The following L2HGDH variants were observed in gnomAD, a reference collection of about 807,000 sequenced individuals.
L2HGDH encodes L-2-hydroxyglutarate dehydrogenase, also known as L-2-hydroxyglutarate dehydrogenase, mitochondrial.
A neutral mutation model predicts 51.5 loss-of-function variants in L2HGDH; 34 were observed. The ratio of observed to expected loss-of-function variants is 0.66; its 90% confidence interval spans 0.50 to 0.88. The LOEUF (loss-of-function observed/expected upper bound fraction) is 0.88, where lower values mean the gene tolerates loss of function less well. L2HGDH is among the 40% of genes least tolerant of loss of function. The probability of loss-of-function intolerance (pLI) is 0.00; values close to 1 mark genes in which losing one functional copy is unlikely to be tolerated. For missense variants in L2HGDH, 558 were observed against 571.9 expected (o/e 0.98, Z 0.25); for synonymous variants, 198 against 197.9 (o/e 1.00, Z -0.01).
At chr14:50,305,229 G>A (rs2030658643) in intron 1 of L2HGDH, among the ~76,000 whole-genome samples, 1 of 152,172 alleles carries the variant, frequency 6.6e-6, no homozygotes, top group Admixed American at 6.5e-5. Context: ...TCCAGGTGAT[G>A]CTCAGCAGGT....
intron 9 of L2HGDH, among the ~76,000 whole-genome samples, chr14:50,261,808 A>G (rs1489270636): frequency 6.6e-6 from 1 of 152,186 alleles, no homozygotes; most frequent in East Asian, 1.9e-4. Context: ...AGAGTCTTAG[A>G]GACCATCATT....
intron 1 of L2HGDH, among the ~76,000 whole-genome samples, chr14:50,305,921 T>C (rs1027212524): frequency 7.2e-5 from 11 of 152,246 alleles, no homozygotes; most frequent in African/African-American, 2.7e-4. Flanking sequence ...AAATGCTATG[T>C]GAATAGTTGT....
rs1887910344 is a variant in L2HGDH, at chr14:50,244,237, A to G, written c.*2821T>C. ...TGGGTCAAATGGTATTTCTAGTTCCAGATCCCTGAGGAATCGCCACACTGA... is the reference window on the plus strand; with the variant it reads ...TGGGTCAAATGGTATTTCTAGTTCCGGATCCCTGAGGAATCGCCACACTGA... On this transcript the variant is annotated 3_prime_UTR_variant, in exon 10 of 10. Transcript: ENST00000267436. The G allele has an allele frequency of 1.3e-5, 3 of 239,306 alleles. No homozygotes were observed. Among genetic ancestry groups the G allele is most frequent in the Admixed American group, 6.5e-5 (1 of 15,384 alleles). 14.8% of individuals were successfully genotyped at this position (239,306 alleles called of 1,614,324 possible).
At chr14:50,311,914 C>T (rs574714661) in intron 1 of L2HGDH, 97 bp downstream of exon 1, 282 of 1,497,336 alleles carry the variant, frequency 1.9e-4, no homozygotes, top group South Asian at 5.6e-4. Context: ...GCTCTCACCC[C>T]GGGACAGGGA....
chr14:50,262,825 A>G (rs1224194820), intron 9 of L2HGDH, among the ~76,000 whole-genome samples: 1 of 152,092 alleles, frequency 6.6e-6, no homozygotes, highest in African/African-American at 2.4e-5. Flanking sequence ...CTTAATAACT[A>G]TAGGAATCAA....
Position 50,242,797 on chromosome 14 carries a change from TAGATA to T in L2HGDH, c.*4256_*4260del. The T allele has an allele frequency of 4.1e-6, 4 of 985,428 alleles. No homozygotes were observed. The South Asian group carries it at 1.9e-4, about 46-fold the overall frequency. 61.0% of individuals were successfully genotyped at this position (985,428 alleles called of 1,614,324 possible). A position where few individuals can be genotyped will look rare whatever the true frequency, so the allele number is the denominator to read the frequency against. On this transcript the variant is annotated 3_prime_UTR_variant, in exon 10 of 10. Transcript: ENST00000267436. ...AACTCAAAAATGTTTACAAGATCTT[TAGATA>T]ATAGTGTATGCGCAGAAAGATGAGG...
chr14:50,308,477 A>C (rs957380837), intron 1 of L2HGDH, among the ~76,000 whole-genome samples: 2 of 152,252 alleles, frequency 1.3e-5, no homozygotes, highest in African/African-American at 4.8e-5. Flanking sequence ...AAGCACATGA[A>C]AAGATGTTCA....
At chr14:50,297,371 G>GAC (rs71118863) in intron 3 of L2HGDH, among the ~76,000 whole-genome samples, 74,505 of 150,622 alleles carry the variant, frequency 0.49, 19,049 homozygotes, top group East Asian at 0.65. Context: ...GGAATTCATA[G>GAC]ACACACACAC....
At position 50,242,490 on chromosome 14, in the gene L2HGDH, T is replaced by C. The variant is rs1042452743; in HGVS notation, c.*4568A>G. ...TCCCATAAGCAGAAAATACAAGCAATTAACAACATCAACAACAACAACAAA... is the reference window on the plus strand; with the variant it reads ...TCCCATAAGCAGAAAATACAAGCAACTAACAACATCAACAACAACAACAAA... On this transcript the variant is annotated 3_prime_UTR_variant, in exon 10 of 10. Transcript: ENST00000267436. 10 of 982,438 alleles carry C rather than the reference T, an allele frequency of 1.0e-5. No homozygotes were observed. The highest frequency in any genetic ancestry group is 1.2e-4 in the Admixed American group (2 of 16,252). 60.9% of individuals were successfully genotyped at this position (982,438 alleles called of 1,614,324 possible).
At chr14:50,267,332 GCCA>G (rs1240299855) in intron 8 of L2HGDH, among the ~76,000 whole-genome samples, 1 of 151,970 alleles carries the variant, frequency 6.6e-6, no homozygotes, top group East Asian at 1.9e-4. Context: ...ACAGGTGCCA[GCCA>G]CCACGCCTAG....
Position 50,243,440 on chromosome 14 carries a change from GT to G in L2HGDH, c.*3617del. 2 of 912,514 alleles carry G rather than the reference GT, an allele frequency of 2.2e-6. No homozygotes were observed. Among genetic ancestry groups the G allele is most frequent in the Non-Finnish European group, 2.6e-6 (2 of 763,972 alleles). 56.5% of individuals were successfully genotyped at this position (912,514 alleles called of 1,614,324 possible). A position where few individuals can be genotyped will look rare whatever the true frequency, so the allele number is the denominator to read the frequency against. ...CATAAAAAAATTTATTTGCATAAAA[GT>G]TTTTATGGAACTAAAAAATATGTTC... On this transcript the variant is annotated 3_prime_UTR_variant, in exon 10 of 10. Coordinates refer to ENST00000267436, the MANE Select transcript of L2HGDH (RefSeq NM_024884.3).
intron 1 of L2HGDH, among the ~76,000 whole-genome samples, chr14:50,303,571 G>A (rs2030548621): frequency 1.3e-5 from 2 of 151,408 alleles, no homozygotes; most frequent in Non-Finnish European, 1.5e-5. Flanking sequence ...GAGGTTAGGA[G>A]TTCAAGACCA....
chr14:50,298,967 AAATAAAT>A (rs1181465442), intron 3 of L2HGDH, among the ~76,000 whole-genome samples: 2 of 152,162 alleles, frequency 1.3e-5, no homozygotes, highest in Non-Finnish European at 2.9e-5. Flanking sequence ...TAGTAGAAGA[AAATAAAT>A]AATAAAGATC....
chr14:50,284,871 A>C (rs1438981663), intron 4 of L2HGDH, among the ~76,000 whole-genome samples: 1 of 152,248 alleles, frequency 6.6e-6, no homozygotes, highest in Non-Finnish European at 1.5e-5. Flanking sequence ...AATATCTGAT[A>C]TAATACTATT....
At chr14:50,272,025 C>T (rs891493801) in intron 6 of L2HGDH, among the ~76,000 whole-genome samples, 1 of 152,150 alleles carries the variant, frequency 6.6e-6, no homozygotes, top group African/African-American at 2.4e-5. Context: ...CCTGTAATCC[C>T]AGCTACTCAT....
At chr14:50,264,820 A>T (rs2139968645) in intron 9 of L2HGDH, among the ~76,000 whole-genome samples, 1 of 151,460 alleles carries the variant, frequency 6.6e-6, no homozygotes, top group South Asian at 2.1e-4. Context: ...TGTACAATAA[A>T]CCCCATGACA....
At position 50,243,666 on chromosome 14, in the gene L2HGDH, TATA is replaced by T. The variant is rs1566496059; in HGVS notation, c.*3389_*3391del. The T allele has an allele frequency of 0.021, 2,903 of 138,836 alleles. 110 individuals are homozygous for T. The highest frequency in any genetic ancestry group is 0.077 in the African/African-American group (2,651 of 34,598). The allele number at this position is 138,836 out of a possible 1,614,324, so 8.6% of individuals were successfully genotyped here. A position where few individuals can be genotyped will look rare whatever the true frequency, so the allele number is the denominator to read the frequency against. On this transcript the variant is annotated 3_prime_UTR_variant, in exon 10 of 10. Transcript: ENST00000267436. The stretch of plus-strand genomic sequence containing the variant: ...CATTTTTATTTTTCAGGGTATTTTA[TATA>T]TATATATATATATATATTGTTTATT...
At position 50,244,814 on chromosome 14, in the gene L2HGDH, C is replaced by G; in HGVS notation, c.*2244G>C. On this transcript the variant is annotated 3_prime_UTR_variant, in exon 10 of 10. Coordinates refer to ENST00000267436, the MANE Select transcript of L2HGDH (RefSeq NM_024884.3). ...TCAACCAAAATGCACATCCTTCTCACCCATCCATCATACAGCTTTGGAGAG... is the reference window on the plus strand; with the variant it reads ...TCAACCAAAATGCACATCCTTCTCAGCCATCCATCATACAGCTTTGGAGAG... 2 of 985,376 alleles carry G rather than the reference C, an allele frequency of 2.0e-6. No homozygotes were observed. The highest frequency in any genetic ancestry group is 1.2e-6 in the Non-Finnish European group (1 of 829,918). 61.0% of individuals were successfully genotyped at this position (985,376 alleles called of 1,614,324 possible). A position where few individuals can be genotyped will look rare whatever the true frequency, so the allele number is the denominator to read the frequency against.
Position 50,247,226 on chromosome 14 carries a change from G to C in L2HGDH, c.1224C>G (p.Ala408=). The change falls in exon 10 of 10, where the codon GCC becomes GCG. Residue 408 remains alanine (A), a synonymous_variant. Transcript: ENST00000267436. ...LRGPAGVRAQ[A]LDRDGNLVED... ...CTACCAGATTTCCATCTCTATCCAG[G>C]GCCTGGGCTCTTACTCCAGCTGGGC... 1 of 1,613,856 alleles carries C rather than the reference G, an allele frequency of 6.2e-7. No homozygotes were observed. Among genetic ancestry groups the C allele is most frequent in the Non-Finnish European group, 8.5e-7 (1 of 1,179,940 alleles).
Sources: allele counts gnomAD v4.1 joint callset (sites outside exome capture counted in the v4.1 genomes callset), GRCh38; gene constraint gnomAD v4.1.1; transcripts MANE v1.5; gene names NCBI Gene and HGNC (gene_info 2026-07-23, HGNC 2026-07-21).